The following ABCB11 variants were observed in gnomAD, a reference collection of about 807,000 sequenced individuals.
The protein encoded by ABCB11 is ATP binding cassette subfamily B member 11, also known as bile salt export pump.
In ABCB11, 95 loss-of-function variants were observed where a neutral mutation model predicts 148.0. That is an observed-to-expected ratio of 0.64 (90% CI 0.54 to 0.76). The LOEUF is 0.76. Ranked by LOEUF, ABCB11 falls within the 30% of genes least tolerant of loss-of-function variation. ABCB11 has a pLI of 0.00. For synonymous variants in ABCB11, 591 were observed against 555.4 expected, an observed-to-expected ratio of 1.06 and a Z score of -0.90; for missense variants, 1,523 against 1,617.8, an observed-to-expected ratio of 0.94 and a Z score of 1.01.
At chr2:168,962,789 T>C (rs1395453894) in intron 18 of ABCB11, among the ~76,000 whole-genome samples, 1 of 151,712 alleles carries the variant, frequency 6.6e-6, no homozygotes, top group Non-Finnish European at 1.5e-5. Context: ...AAATAGCTAT[T>C]TCTAGAACTA....
Position 168,944,723 on chromosome 2 carries a change from A to G in ABCB11, c.2492T>C (p.Leu831Pro), listed in dbSNP as rs1487609505. ...AKSGELLTKR[L>P]RKFGFRAMLG... is the part of the protein sequence containing the mutation. ...CATTGCCCTGAAACCAAATTTACGT[A>G]GCCTTTTTGTTAGGAGCTCCCCAGA... Residue 831 changes from leucine to proline, a missense_variant, in exon 21 of 28, where the codon CTA (leucine) becomes CCA (proline). Leu to Pro is a moderately conservative substitution (Grantham distance 98). Coordinates refer to ENST00000650372, the MANE Select transcript of ABCB11 (RefSeq NM_003742.4). 1 of 1,612,834 alleles carries G rather than the reference A, an allele frequency of 6.2e-7. No individual in the cohort carries two copies. Among genetic ancestry groups the G allele is most frequent in the Admixed American group, 1.7e-5 (1 of 59,850 alleles).
chr2:168,926,431 G>T (rs1225117025), intron 26 of ABCB11, among the ~76,000 whole-genome samples: 1 of 152,144 alleles, frequency 6.6e-6, no homozygotes, highest in Non-Finnish European at 1.5e-5. Context: ...TTTTGCAGAT[G>T]AAATAGACAA....
At chr2:168,998,266 T>TAG (rs1457214791) in intron 5 of ABCB11, among the ~76,000 whole-genome samples, 11 of 151,964 alleles carry the variant, frequency 7.2e-5, no homozygotes, top group Non-Finnish European at 1.0e-4. Flanking sequence ...ACATTTTACT[T>TAG]AGAGAATAGT....
chr2:168,948,226 A>G (rs1692416182), intron 19 of ABCB11, among the ~76,000 whole-genome samples: 1 of 151,784 alleles, frequency 6.6e-6, no homozygotes. Context: ...AGAAATAATC[A>G]GCAAAGAAGC....
chr2:168,924,308 A>G (rs575671), intron 27 of ABCB11, among the ~76,000 whole-genome samples: 95,447 of 152,066 alleles, frequency 0.63, 30,641 homozygotes, highest in East Asian at 0.95. Context: ...TTTGTGTTGC[A>G]TGTGGCCTAC....
At chr2:168,953,641 A>G (rs1299741265) in intron 19 of ABCB11, among the ~76,000 whole-genome samples, 1 of 151,466 alleles carries the variant, frequency 6.6e-6, no homozygotes, top group Non-Finnish European at 1.5e-5. Context: ...TTTTTAATCC[A>G]TTCTTCCAAT....
At chr2:169,023,764 A>G (rs1321801924) in intron 1 of ABCB11, among the ~76,000 whole-genome samples, 1 of 152,242 alleles carries the variant, frequency 6.6e-6, no homozygotes, top group Admixed American at 6.5e-5. Flanking sequence ...CCTGAAACTG[A>G]TAAGCACTGA....
intron 25 of ABCB11, among the ~76,000 whole-genome samples, chr2:168,929,539 C>G (rs957060508): frequency 7.2e-5 from 11 of 152,114 alleles, no homozygotes; most frequent in Admixed American, 5.9e-4. Flanking sequence ...TTAGAATCAA[C>G]TTAGAGTGAA....
At chr2:168,965,961 C>G (rs557792410) in intron 17 of ABCB11, among the ~76,000 whole-genome samples, 1 of 151,946 alleles carries the variant, frequency 6.6e-6, no homozygotes, top group East Asian at 2.0e-4. Flanking sequence ...CAAGCCCTCC[C>G]TCTTCCTTGC....
chr2:169,027,136 T>G (rs1464056471), intron 1 of ABCB11, among the ~76,000 whole-genome samples: 2 of 152,212 alleles, frequency 1.3e-5, no homozygotes, highest in African/African-American at 2.4e-5. Context: ...ACTGTGCACT[T>G]TAACATATTA....
At chr2:168,978,619 T>A (rs1694018802) in intron 11 of ABCB11, among the ~76,000 whole-genome samples, 1 of 151,840 alleles carries the variant, frequency 6.6e-6, no homozygotes, top group South Asian at 2.1e-4. Flanking sequence ...GCAAATCACC[T>A]CTGGATTTCC....
chr2:168,932,832 A>G (rs899807685), intron 23 of ABCB11, among the ~76,000 whole-genome samples: 4 of 152,142 alleles, frequency 2.6e-5, no homozygotes, highest in Non-Finnish European at 5.9e-5. Context: ...ATTGTTGGCC[A>G]GGCGCGGTGG....
chr2:168,925,654 C>T lies in ABCB11; in HGVS notation c.3619-851G>A, dbSNP rs186418298. Among the ~76,000 whole-genome samples the T allele has an allele frequency of 5.9e-5, 9 of 152,324 alleles. No homozygotes were observed. In the East Asian group the frequency reaches 1.7e-3, roughly 29 times the overall value. On this transcript the variant is annotated intron_variant, in intron 26 of 27. Transcript: ENST00000650372. ...GCTCTCCTCTAAGTCCTTGCCTTGA[C>T]TACTTCTCTTCCTTGCCTTCCACAA...
intron 18 of ABCB11, among the ~76,000 whole-genome samples, chr2:168,960,597 C>T (rs1293884021): frequency 1.1e-4 from 17 of 151,466 alleles, no homozygotes; most frequent in Non-Finnish European, 1.0e-4. Context: ...ACAAGAAATA[C>T]GAATTAATTA....
intron 17 of ABCB11, 110 bp downstream of exon 17, chr2:168,968,317 C>G: frequency 1.0e-6 from 1 of 969,386 alleles, no homozygotes; most frequent in Non-Finnish European, 1.6e-6. Context: ...ACCTGGCAGT[C>G]TACTCAGAGT....
chr2:168,924,761 T>C lies in ABCB11; in HGVS notation c.3661A>G (p.Arg1221Gly). The C allele has an allele frequency of 6.2e-7, 1 of 1,613,736 alleles. No homozygotes were observed. The highest frequency in any genetic ancestry group is 2.2e-5 in the East Asian group (1 of 44,872). The change falls in exon 27 of 28, where the codon AGA becomes GGA. Residue 1221 changes from arginine (R) to glycine (G), a missense_variant. Arg to Gly is a moderately radical substitution (Grantham distance 125, BLOSUM62 -2). Coordinates refer to ENST00000650372, the MANE Select transcript of ABCB11 (RefSeq NM_003742.4). Reference protein sequence around the residue: ...NVGSQGSQLSRGEKQRIAIAR... With the variant: ...NVGSQGSQLSGGEKQRIAIAR... ...ATAGCAATGCGTTGTTTCTCCCCTC[T>C]AGAGAGTTGAGACCCCTGGGACCCA...
At chr2:168,991,862 G>T (rs1400203209) in intron 8 of ABCB11, among the ~76,000 whole-genome samples, 1 of 149,052 alleles carries the variant, frequency 6.7e-6, no homozygotes, top group African/African-American at 2.5e-5. Flanking sequence ...TAAAGAGACG[G>T]GTTCTTGTTC....
At chr2:169,019,988 G>A (rs928313088) in intron 1 of ABCB11, among the ~76,000 whole-genome samples, 6 of 152,198 alleles carry the variant, frequency 3.9e-5, no homozygotes, top group Admixed American at 3.3e-4. Context: ...AGGGAGCCAT[G>A]AAAGAGAGAA....
At chr2:168,984,108 G>A (rs113539214) in intron 10 of ABCB11, among the ~76,000 whole-genome samples, 47 of 152,220 alleles carry the variant, frequency 3.1e-4, no homozygotes, top group African/African-American at 9.9e-4. Context: ...ACAATGATCA[G>A]AGTCCAGTTG....
Sources: allele counts gnomAD v4.1 joint callset (sites outside exome capture counted in the v4.1 genomes callset), GRCh38; gene constraint gnomAD v4.1.1; transcripts MANE v1.5; gene names NCBI Gene and HGNC (gene_info 2026-07-23, HGNC 2026-07-21).